TENM3: variants seen among roughly 807,000 people sequenced by gnomAD.
TENM3 encodes the protein teneurin transmembrane protein 3.
A neutral mutation model predicts 255.1 loss-of-function variants in TENM3; 63 were observed. The ratio of observed to expected loss-of-function variants is 0.25; its 90% confidence interval spans 0.20 to 0.30. The LOEUF (loss-of-function observed/expected upper bound fraction) is 0.30, where lower values mean the gene tolerates loss of function less well. TENM3 is among the 10% of genes least tolerant of loss of function. The pLI is 1.00. For synonymous variants in TENM3, 1,306 were observed against 1,322.3 expected (o/e 0.99, Z 0.27); for missense variants, 2,929 against 3,461.1 (o/e 0.85, Z 3.86).
intron 14 of TENM3, among the ~76,000 whole-genome samples, 179 bp downstream of exon 14, chr4:182,729,360 A>C (rs954376735): frequency 6.6e-6 from 1 of 152,236 alleles, no homozygotes; most frequent in African/African-American, 2.4e-5. Flanking sequence ...CACAGTTCAC[A>C]TACTTTGTCA....
chr4:182,287,416 C>T (rs542710416), intron 1 of TENM3, among the ~76,000 whole-genome samples: 5 of 152,178 alleles, frequency 3.3e-5, no homozygotes, highest in Admixed American at 6.5e-5. Context: ...CAGTTCCTTC[C>T]GCTTGAAATG....
rs772482541 is a variant in TENM3, at chr4:182,681,818, C to T, written c.1839C>T (p.Asp613=). Residue 613 remains aspartate, a synonymous_variant, in exon 11 of 28, where the codon GAC becomes GAT. Transcript: ENST00000511685. The part of the protein sequence containing the change: ...GYKGESCEEA[D]CIDPGCSNHG... ...TTGTTCTTTTCTTTACACCAGCTGA[C>T]TGTATAGACCCTGGGTGTTCTAATC... The T allele has an allele frequency of 2.5e-6, 4 of 1,609,788 alleles. No homozygotes were observed. Among genetic ancestry groups the T allele is most frequent in the Middle Eastern group, 1.7e-4 (1 of 6,056 alleles).
chr4:181,515,352 A>G, the TENM3 span, among the ~76,000 whole-genome samples: 96,031 of 151,602 alleles, frequency 0.63, 30,822 homozygotes, highest in Non-Finnish European at 0.7. Flanking sequence ...ACTGAAGATC[A>G]TTGTCCTTCT....
intron 3 of TENM3, among the ~76,000 whole-genome samples, chr4:182,569,391 T>TA (rs1580970016): frequency 6.6e-6 from 1 of 151,898 alleles, no homozygotes; most frequent in East Asian, 1.9e-4. Context: ...CTGTCTCTAC[T>TA]AAAAATACAA....
At chr4:181,452,215 T>C in the TENM3 span, among the ~76,000 whole-genome samples, 12 of 152,312 alleles carry the variant, frequency 7.9e-5, no homozygotes, top group African/African-American at 2.9e-4. Flanking sequence ...AAGAATAGAA[T>C]TGACAAACAC....
At chr4:181,785,062 C>T in the TENM3 span, among the ~76,000 whole-genome samples, 2 of 152,020 alleles carry the variant, frequency 1.3e-5, no homozygotes, top group Non-Finnish European at 2.9e-5. Context: ...TGCCTAAGTG[C>T]TGAGTGACAA....
At chr4:182,298,806 C>A (rs767076470) in intron 1 of TENM3, among the ~76,000 whole-genome samples, 1 of 151,502 alleles carries the variant, frequency 6.6e-6, no homozygotes, top group Non-Finnish European at 1.5e-5. Context: ...AACCCCATCT[C>A]TACCAAAAAT....
chr4:182,056,264 G>A, the TENM3 span, among the ~76,000 whole-genome samples: 2 of 152,144 alleles, frequency 1.3e-5, no homozygotes, highest in Admixed American at 1.3e-4. Context: ...CAATTTGTTT[G>A]TTTTTAACAA....
intron 1 of TENM3, among the ~76,000 whole-genome samples, chr4:182,238,294 G>A (rs1298004483): frequency 6.6e-6 from 1 of 152,204 alleles, no homozygotes; most frequent in Non-Finnish European, 1.5e-5. Flanking sequence ...GAGTCATGGA[G>A]GAAGAGCTTT....
At chr4:181,902,512 G>A in the TENM3 span, among the ~76,000 whole-genome samples, 1 of 152,098 alleles carries the variant, frequency 6.6e-6, no homozygotes, top group South Asian at 2.1e-4. Context: ...GCAAAGACTT[G>A]GAACCAACCC....
At chr4:182,173,044 C>T (rs1202672528) in intron 1 of TENM3, among the ~76,000 whole-genome samples, 1 of 152,102 alleles carries the variant, frequency 6.6e-6, no homozygotes, top group Non-Finnish European at 1.5e-5. Flanking sequence ...TAGATTTTAT[C>T]CTGGATTCTG....
the TENM3 span, among the ~76,000 whole-genome samples, chr4:181,678,931 A>C: frequency 6.6e-6 from 1 of 151,964 alleles, no homozygotes; most frequent in Non-Finnish European, 1.5e-5. Flanking sequence ...TGATAATACA[A>C]ATTAATTTTT....
At chr4:181,947,250 A>G in the TENM3 span, among the ~76,000 whole-genome samples, 1 of 152,246 alleles carries the variant, frequency 6.6e-6, no homozygotes, top group Non-Finnish European at 1.5e-5. Context: ...GTACTATGCT[A>G]CGTACACTTG....
intron 3 of TENM3, among the ~76,000 whole-genome samples, chr4:182,369,870 T>C (rs773686761): frequency 1.6e-4 from 25 of 152,030 alleles, no homozygotes; most frequent in Non-Finnish European, 3.4e-4. Context: ...AGAGTGAAAC[T>C]CTGTCTCAAA....
chr4:181,999,857 A>G, the TENM3 span, among the ~76,000 whole-genome samples: 2 of 152,184 alleles, frequency 1.3e-5, no homozygotes, highest in South Asian at 2.1e-4. Context: ...CAATTTTGAT[A>G]TAAGTTCATT....
chr4:181,536,529 T>A, the TENM3 span, among the ~76,000 whole-genome samples: 4 of 152,332 alleles, frequency 2.6e-5, no homozygotes, highest in South Asian at 8.3e-4. Flanking sequence ...AGGCACTGTA[T>A]CCTATGGCTC....
intron 3 of TENM3, among the ~76,000 whole-genome samples, chr4:182,583,368 T>A (rs1745693653): frequency 6.6e-6 from 1 of 151,784 alleles, no homozygotes. Flanking sequence ...TGTGTGTGTG[T>A]GTGTGTGTGT....
chr4:181,899,451 A>C, the TENM3 span, among the ~76,000 whole-genome samples: 1 of 152,212 alleles, frequency 6.6e-6, no homozygotes, highest in South Asian at 2.1e-4. Context: ...TTTACAAAAA[A>C]GTGAAAGAAA....
At chr4:182,749,191 A>G (rs1762211821) in intron 19 of TENM3, among the ~76,000 whole-genome samples, 1 of 152,176 alleles carries the variant, frequency 6.6e-6, no homozygotes, top group Non-Finnish European at 1.5e-5. Flanking sequence ...TTCATTTACC[A>G]TGAATGAATC....
Sources: allele counts gnomAD v4.1 joint callset (sites outside exome capture counted in the v4.1 genomes callset), GRCh38; gene constraint gnomAD v4.1.1; transcripts MANE v1.5; gene names NCBI Gene and HGNC (gene_info 2026-07-23, HGNC 2026-07-21).